The following THSD7A variants were observed in gnomAD, a reference collection of about 807,000 sequenced individuals.
THSD7A encodes the protein thrombospondin type-1 domain-containing protein 7A.
A neutral mutation model predicts 231.3 loss-of-function variants in THSD7A; 96 were observed. The ratio of observed to expected loss-of-function variants is 0.41; its 90% CI spans 0.35 to 0.49. THSD7A has a LOEUF of 0.49. Ranked by LOEUF, THSD7A falls within the 20% of genes least tolerant of loss-of-function variation. The probability of loss-of-function intolerance (pLI) is 0.05; values close to 1 mark genes in which losing one functional copy is unlikely to be tolerated. For synonymous variants in THSD7A, 940 were observed against 743.3 expected (o/e 1.26, Z -4.30); for missense variants, 2,290 against 2,070.2 (o/e 1.11, Z -2.06).
At chr7:11,777,124 A>C (rs141843760) in intron 1 of THSD7A, among the ~76,000 whole-genome samples, 110 of 152,314 alleles carry the variant, frequency 7.2e-4, no homozygotes, top group African/African-American at 2.5e-3. Flanking sequence ...CGAAAAATGC[A>C]AAAAGTATAT....
At chr7:11,649,105 T>C (rs866558135) in intron 1 of THSD7A, among the ~76,000 whole-genome samples, 1 of 152,044 alleles carries the variant, frequency 6.6e-6, no homozygotes, top group Non-Finnish European at 1.5e-5. Flanking sequence ...TTATGAAAGA[T>C]ATGTGGCTTC....
chr7:11,636,787 T>C lies in THSD7A; in HGVS notation c.365A>G (p.Tyr122Cys), dbSNP rs750705567. ...ATTCCAAGGTCCCAGTCTCCAGTCGTACAACTCTTTGTGCCAATCGCAAAC... is the reference window on the plus strand; with the variant it reads ...ATTCCAAGGTCCCAGTCTCCAGTCGCACAACTCTTTGTGCCAATCGCAAAC... Reference protein sequence around the residue: ...FKVCDWHKELYDWRLGPWNQC... With the variant: ...FKVCDWHKELCDWRLGPWNQC... Residue 122 changes from tyrosine to cysteine, a missense_variant, in exon 2 of 28, where the codon TAC (tyrosine) becomes TGC (cysteine). By Grantham distance (194) the Tyr-to-Cys change is radical (BLOSUM62 -2). Coordinates refer to ENST00000423059, the MANE Select transcript of THSD7A (RefSeq NM_015204.3). The surrounding 1 kb of genome is among the most constrained non-coding windows in gnomAD (Gnocchi z 10.0). 1.2e-6 allele frequency: 2 copies of C among 1,614,024 alleles called. No homozygotes were observed. The highest frequency in any genetic ancestry group is 1.7e-6 in the Non-Finnish European group (2 of 1,179,890).
chr7:11,460,593 G>T, intron 11 of THSD7A, 69 bp downstream of exon 11: 1 of 1,255,346 alleles, frequency 8.0e-7, no homozygotes, highest in Non-Finnish European at 1.1e-6. Context: ...TGTCCAAGTG[G>T]CAAATGCATC....
At chr7:11,816,945 C>T (rs561955361) in intron 1 of THSD7A, among the ~76,000 whole-genome samples, 2 of 152,026 alleles carry the variant, frequency 1.3e-5, no homozygotes, top group South Asian at 4.2e-4. Flanking sequence ...TGTGATTATG[C>T]TTATAATGGT....
intron 1 of THSD7A, among the ~76,000 whole-genome samples, chr7:11,675,104 C>A (rs1243863751): frequency 6.6e-6 from 1 of 152,030 alleles, no homozygotes; most frequent in African/African-American, 2.4e-5. Flanking sequence ...AAAGTGGGTG[C>A]AGCCCATGGA....
chr7:11,661,152 T>C (rs1782915923), intron 1 of THSD7A, among the ~76,000 whole-genome samples: 3 of 151,408 alleles, frequency 2.0e-5, no homozygotes, highest in Admixed American at 1.3e-4. Context: ...TTCAAAAGGC[T>C]ATACCTGTGG....
At chr7:11,521,172 A>G (rs1562681230) in intron 6 of THSD7A, among the ~76,000 whole-genome samples, 1 of 152,148 alleles carries the variant, frequency 6.6e-6, no homozygotes, top group Non-Finnish European at 1.5e-5. Context: ...AGACATATAT[A>G]TATGAATACA....
intron 1 of THSD7A, among the ~76,000 whole-genome samples, chr7:11,806,404 C>T (rs982373757): frequency 6.6e-6 from 1 of 152,126 alleles, no homozygotes; most frequent in African/African-American, 2.4e-5. Context: ...TAGAGTTCAG[C>T]TTCCCAAAAA....
intron 1 of THSD7A, among the ~76,000 whole-genome samples, chr7:11,732,031 A>C (rs1562513171): frequency 6.6e-6 from 1 of 151,726 alleles, no homozygotes; most frequent in Non-Finnish European, 1.5e-5. Context: ...ACATTTATGT[A>C]TATATTAAGA....
At chr7:11,783,157 G>A (rs1783686174) in intron 1 of THSD7A, among the ~76,000 whole-genome samples, 1 of 152,024 alleles carries the variant, frequency 6.6e-6, no homozygotes, top group Non-Finnish European at 1.5e-5. Context: ...CTTACACTGG[G>A]GTTATGTCTC....
intron 23 of THSD7A, among the ~76,000 whole-genome samples, chr7:11,390,595 A>G (rs997470231): frequency 1.3e-4 from 19 of 148,042 alleles, no homozygotes; most frequent in Non-Finnish European, 1.5e-4. Context: ...CCTTCTGTCA[A>G]TTCGTCAAAC....
intron 1 of THSD7A, among the ~76,000 whole-genome samples, chr7:11,687,163 G>A (rs1780083377): frequency 6.6e-6 from 1 of 151,828 alleles, no homozygotes; most frequent in African/African-American, 2.4e-5. Flanking sequence ...TGAGATGAAT[G>A]CCTTACTTGC....
At chr7:11,430,066 T>C (rs1179104881) in intron 13 of THSD7A, among the ~76,000 whole-genome samples, 1 of 152,144 alleles carries the variant, frequency 6.6e-6, no homozygotes, top group Non-Finnish European at 1.5e-5. Flanking sequence ...TCTATAATAG[T>C]CTGAATGTGG....
chr7:11,493,296 C>T (rs988745150), intron 6 of THSD7A, among the ~76,000 whole-genome samples: 1 of 151,884 alleles, frequency 6.6e-6, no homozygotes, highest in African/African-American at 2.4e-5. Context: ...TTGGGATGGG[C>T]CAAGATGGAA....
Position 11,429,095 on chromosome 7 carries a change from C to T in THSD7A, c.3095G>A (p.Cys1032Tyr). 6.2e-7 allele frequency: 1 copy of T among 1,608,672 alleles called. No individual in the cohort carries two copies. Among genetic ancestry groups the T allele is most frequent in the Non-Finnish European group, 8.5e-7 (1 of 1,178,044 alleles). ...GYIEEACIIPCPSDCKLSEWS... is the reference protein window; with the variant it reads ...GYIEEACIIPYPSDCKLSEWS... ...CTCACTGAGCTTGCAGTCTGAGGGGCAGGGGATGATGCAGGCCTCCTCAAT... is the reference window on the plus strand; with the variant it reads ...CTCACTGAGCTTGCAGTCTGAGGGGTAGGGGATGATGCAGGCCTCCTCAAT... The change falls in exon 14 of 28, where the codon TGC (cysteine) becomes TAC (tyrosine). Residue 1032 changes from cysteine to tyrosine, a missense_variant. Coordinates refer to ENST00000423059, the MANE Select transcript of THSD7A (RefSeq NM_015204.3).
chr7:11,549,765 G>A (rs573922549), intron 4 of THSD7A, among the ~76,000 whole-genome samples: 25 of 143,246 alleles, frequency 1.7e-4, no homozygotes, highest in African/African-American at 6.4e-4. Flanking sequence ...ACTAGGGCCT[G>A]TTGGGGGAGT....
At chr7:11,544,676 T>A (rs1789300728) in intron 4 of THSD7A, among the ~76,000 whole-genome samples, 1 of 152,212 alleles carries the variant, frequency 6.6e-6, no homozygotes. Flanking sequence ...CACACAGTCA[T>A]AAATGCTATC....
rs1012158329 is a variant in THSD7A at position 11,527,690 on chromosome 7, T to C, written c.1822+13729A>G. 2.6e-5 allele frequency among the ~76,000 whole-genome samples: 4 copies of C among 152,130 alleles called. No individual in the cohort carries two copies. In the East Asian group the frequency reaches 5.8e-4, roughly 22 times the overall value. On this transcript the variant is annotated intron_variant, in intron 6 of 27. Coordinates refer to ENST00000423059, the MANE Select transcript of THSD7A (RefSeq NM_015204.3). Reference sequence around the variant, plus strand: ...ATTCTAAAGAAAAATGTAGAATAAATAGTTGGTTAGGGGTAAATTTTGGAT... The same window carrying C: ...ATTCTAAAGAAAAATGTAGAATAAACAGTTGGTTAGGGGTAAATTTTGGAT...
At chr7:11,620,046 G>T (rs1449749714) in intron 2 of THSD7A, among the ~76,000 whole-genome samples, 1 of 152,124 alleles carries the variant, frequency 6.6e-6, no homozygotes, top group Non-Finnish European at 1.5e-5. Flanking sequence ...GATAAACCAT[G>T]GGGTTGACAA....
Sources: allele counts gnomAD v4.1 joint callset (sites outside exome capture counted in the v4.1 genomes callset), GRCh38; gene constraint gnomAD v4.1.1; non-coding constraint Gnocchi (gnomAD v3.1); transcripts MANE v1.5; gene names NCBI Gene and HGNC (gene_info 2026-07-23, HGNC 2026-07-21).